Variants in UBE2W observed in about 807,000 individuals in gnomAD.
UBE2W encodes the protein ubiquitin-conjugating enzyme E2 W.
Under a neutral mutation model 27.2 loss-of-function variants are expected in UBE2W, and 18 were observed. That is an observed-to-expected ratio of 0.66 (90% CI 0.46 to 0.98). The LOEUF is 0.98. UBE2W is among the 50% of genes least tolerant of loss of function. The probability of loss-of-function intolerance (pLI) is 0.00; values close to 1 mark genes in which losing one functional copy is unlikely to be tolerated. For missense variants in UBE2W, 90 were observed against 180.2 expected, an observed-to-expected ratio of 0.50 and a Z score of 2.87; for synonymous variants, 53 against 57.2, an observed-to-expected ratio of 0.93 and a Z score of 0.33.
chr8:73,870,264 CT>C (rs772654676), intron 1 of UBE2W: 7 of 1,586,324 alleles, frequency 4.4e-6, no homozygotes, highest in Non-Finnish European at 6.0e-6. Flanking sequence ...AAAACACACA[CT>C]TACTGGAAAC....
intron 1 of UBE2W, among the ~76,000 whole-genome samples, chr8:73,867,427 C>T (rs907730720): frequency 9.9e-5 from 15 of 152,020 alleles, no homozygotes; most frequent in Non-Finnish European, 1.9e-4. Context: ...CCCAGCTACT[C>T]GGGAGGCTGA....
chr8:73,878,475 G>A (rs1355866194), intron 1 of UBE2W, among the ~76,000 whole-genome samples: 2 of 152,210 alleles, frequency 1.3e-5, no homozygotes, highest in African/African-American at 2.4e-5. Flanking sequence ...TGGGGCTGGC[G>A]GGCAGCAGAC....
At chr8:73,851,797 A>C (rs1040205721) in intron 1 of UBE2W, among the ~76,000 whole-genome samples, 1 of 152,090 alleles carries the variant, frequency 6.6e-6, no homozygotes, top group Non-Finnish European at 1.5e-5. Flanking sequence ...AGTGAGAAAG[A>C]GAAGAAATGA....
chr8:73,830,358 C>A, intron 2 of UBE2W, 23 bp downstream of exon 2: 1 of 1,518,218 alleles, frequency 6.6e-7, no homozygotes, highest in Non-Finnish European at 9.1e-7. Flanking sequence ...AAACAAAGAG[C>A]CCTTTTAAAA....
At chr8:73,804,174 A>G (rs1232290054) in intron 5 of UBE2W, among the ~76,000 whole-genome samples, 1 of 151,818 alleles carries the variant, frequency 6.6e-6, no homozygotes. Flanking sequence ...AATTCACTCA[A>G]TTTAGGTGAG....
chr8:73,871,507 GTTCT>G (rs543289911), intron 1 of UBE2W, among the ~76,000 whole-genome samples: 44 of 152,282 alleles, frequency 2.9e-4, no homozygotes, highest in African/African-American at 1.1e-3. Context: ...CAGAGCCTGT[GTTCT>G]TTATCTCTAA....
At chr8:73,835,487 A>C (rs909415923) in intron 1 of UBE2W, among the ~76,000 whole-genome samples, 1 of 152,200 alleles carries the variant, frequency 6.6e-6, no homozygotes, top group African/African-American at 2.4e-5. Context: ...TCATGCCTGT[A>C]ATCCCAGTAC....
intron 1 of UBE2W, among the ~76,000 whole-genome samples, chr8:73,838,987 T>C (rs540500421): frequency 2.6e-5 from 4 of 152,296 alleles, no homozygotes; most frequent in South Asian, 4.1e-4. Flanking sequence ...AGATTCTGTA[T>C]CTGGGGCCCT....
exon 5 of UBE2W, chr8:73,780,134 C>G (rs529223566): frequency 6.4e-6 from 1 of 156,272 alleles, no homozygotes; most frequent in Non-Finnish European, 1.4e-5. Flanking sequence ...TCTCACAGTT[C>G]TGGAGGCTGG....
At chr8:73,799,166 T>C (rs1291634367) in intron 5 of UBE2W, among the ~76,000 whole-genome samples, 2 of 152,228 alleles carry the variant, frequency 1.3e-5, no homozygotes, top group Non-Finnish European at 2.9e-5. Flanking sequence ...TTATTTAATA[T>C]ATCCAAAGAC....
rs557347159 is a variant in UBE2W at position 73,847,521 on chromosome 8, C to T, written c.16-17049G>A. Among the ~76,000 whole-genome samples, 26 of 152,226 alleles carry T rather than the reference C, an allele frequency of 1.7e-4. No individual in the cohort carries two copies. In the South Asian group the frequency reaches 5.4e-3, roughly 32 times the overall value. The stretch of plus-strand genomic sequence containing the variant: ...CCCAGCATATACGTTCAACAAAACA[C>T]AGGTACAAGGAGGATGTTTGTAGCA... On this transcript the variant is annotated intron_variant, in intron 1 of 5. Coordinates refer to ENST00000602593, the MANE Select transcript of UBE2W (RefSeq NM_018299.6).
At chr8:73,859,104 G>A (rs1811436828) in intron 1 of UBE2W, among the ~76,000 whole-genome samples, 1 of 151,864 alleles carries the variant, frequency 6.6e-6, no homozygotes, top group South Asian at 2.1e-4. Context: ...ACACAGGTTT[G>A]AACTGCACAG....
rs1808256080 is a variant in UBE2W, at chr8:73,792,804, T to C, written c.*1298A>G. On this transcript the variant is annotated 3_prime_UTR_variant, in exon 6 of 6. Transcript: ENST00000602593. ...ACCTTTCAACAATTTTTTTTTTCTA[T>C]AGAAAGTTTCATCTAGCTGTAAGCA... The C allele has an allele frequency of 2.0e-6, 2 of 985,428 alleles. No individual in the cohort carries two copies. Among genetic ancestry groups the C allele is most frequent in the South Asian group, 4.7e-5 (1 of 21,292 alleles). The allele number at this position is 985,428 out of a possible 1,614,324, so 61.0% of individuals were successfully genotyped here.
intron 1 of UBE2W, among the ~76,000 whole-genome samples, chr8:73,865,142 AT>A (rs1421000695): frequency 6.8e-6 from 1 of 147,492 alleles, no homozygotes; most frequent in East Asian, 2.0e-4. Flanking sequence ...TGTGCATAGA[AT>A]GACAAATTCT....
chr8:73,814,992 G>GC (rs1809328764), intron 3 of UBE2W, among the ~76,000 whole-genome samples: 6 of 152,136 alleles, frequency 3.9e-5, no homozygotes, highest in African/African-American at 1.2e-4. Context: ...GCCAATCTCT[G>GC]GGTAATTTTT....
At chr8:73,823,808 T>C (rs79447488) in intron 3 of UBE2W, among the ~76,000 whole-genome samples, 1,531 of 152,338 alleles carry the variant, frequency 0.01, 11 homozygotes, top group Non-Finnish European at 0.014. Context: ...CATTTAAATC[T>C]ATGCTTTAAA....
In UBE2W at chr8:73,787,196, G is replaced by A; in HGVS notation, c.*6906C>T. On this transcript the variant is annotated 3_prime_UTR_variant, in exon 6 of 6. Coordinates refer to ENST00000602593, the MANE Select transcript of UBE2W (RefSeq NM_018299.6). ...AATGGTTGAAAGGGGCTCCCAACAG[G>A]ACAGATAACCACAGTGGCTTTGAGC... The A allele has an allele frequency of 5.1e-6, 5 of 985,418 alleles. No homozygotes were observed. The highest frequency in any genetic ancestry group is 6.0e-6 in the Non-Finnish European group (5 of 829,928). The allele number at this position is 985,418 out of a possible 1,614,324, so 61.0% of individuals were successfully genotyped here.
chr8:73,795,835 A>G (rs1009096428), intron 5 of UBE2W: 24 of 962,616 alleles, frequency 2.5e-5, no homozygotes, highest in Non-Finnish European at 3.0e-5. Flanking sequence ...TAATTCCAGC[A>G]TTTGGGGAGG....
Position 73,805,469 on chromosome 8 carries a change from A to AAC in UBE2W, c.442+181_442+182insGT, listed in dbSNP as rs1466370082. Among the ~76,000 whole-genome samples the AAC allele has an allele frequency of 1.3e-4, 18 of 138,078 alleles. 1 individual carries two copies. The highest frequency in any genetic ancestry group is 4.6e-4 in the South Asian group (2 of 4,320). The allele number at this position is 138,078 out of a possible 152,430, so 90.6% of individuals were successfully genotyped here. A position where few individuals can be genotyped will look rare whatever the true frequency, so the allele number is the denominator to read the frequency against. The stretch of plus-strand genomic sequence containing the variant: ...AACTCCATCTCAAAAAAAAAAAAAA[A>AAC]AACAAAAAAAACTAGGGTAATTCAT... On this transcript the variant is annotated intron_variant, in intron 5 of 5. Coordinates refer to ENST00000602593, the MANE Select transcript of UBE2W (RefSeq NM_018299.6).
Sources: allele counts gnomAD v4.1 joint callset (sites outside exome capture counted in the v4.1 genomes callset), GRCh38; gene constraint gnomAD v4.1.1; transcripts MANE v1.5; gene names NCBI Gene and HGNC (gene_info 2026-07-23, HGNC 2026-07-21).